CLYBL: variants seen among roughly 807,000 people sequenced by gnomAD.
CLYBL encodes the protein citramalyl-CoA lyase.
A neutral mutation model predicts 38.9 loss-of-function variants in CLYBL; 31 were observed. The ratio of observed to expected loss-of-function variants is 0.80; its 90% CI spans 0.60 to 1.08. CLYBL has a LOEUF of 1.08. Ranked by LOEUF, CLYBL falls within the 50% of genes least tolerant of loss-of-function variation. The pLI is 0.00. For missense variants in CLYBL, 434 were observed against 411.6 expected, an observed-to-expected ratio of 1.05 and a Z score of -0.47; for synonymous variants, 171 against 158.6, an observed-to-expected ratio of 1.08 and a Z score of -0.59.
intron 1 of CLYBL, among the ~76,000 whole-genome samples, chr13:99,668,164 C>T (rs148890384): frequency 0.016 from 2,421 of 151,932 alleles, 67 homozygotes; most frequent in African/African-American, 0.056. Flanking sequence ...GTCCCAGCTA[C>T]GTGGGAGGCT....
At chr13:99,686,248 A>G (rs2047816323) in intron 1 of CLYBL, among the ~76,000 whole-genome samples, 1 of 152,164 alleles carries the variant, frequency 6.6e-6, no homozygotes, top group Non-Finnish European at 1.5e-5. Flanking sequence ...TCCAGGGCAT[A>G]TATAGCTGCT....
chr13:99,835,718 T>C (rs950580349), intron 2 of CLYBL, among the ~76,000 whole-genome samples: 3 of 152,218 alleles, frequency 2.0e-5, no homozygotes, highest in African/African-American at 7.2e-5. Flanking sequence ...CCTAGAACAG[T>C]GCCTAACACA....
rs887723630 is a variant in CLYBL, at chr13:99,647,551, TAAAC to T, written c.62+40800_62+40803del. Among the ~76,000 whole-genome samples, 76 of 152,254 alleles carry T rather than the reference TAAAC, an allele frequency of 5.0e-4. 1 individual carries two copies. The highest frequency in any genetic ancestry group is 1.9e-3 in the Admixed American group (29 of 15,296). ...GTATGCTGATTCTCTTGGGACTAATTAAACAAACAGATTCAGAGAAAGAAAGCAG... is the reference window on the plus strand; with the variant it reads ...GTATGCTGATTCTCTTGGGACTAATTAAACAGATTCAGAGAAAGAAAGCAG... On this transcript the variant is annotated intron_variant, in intron 1 of 8. Coordinates refer to ENST00000339105, the MANE Select transcript of CLYBL (RefSeq NM_206808.5).
intron 7 of CLYBL, among the ~76,000 whole-genome samples, 185 bp from the exon 8 acceptor site, chr13:99,891,132 TC>T (rs955794354): frequency 6.6e-6 from 1 of 152,148 alleles, no homozygotes; most frequent in African/African-American, 2.4e-5. Context: ...TTTATTTTTT[TC>T]CCCTCTTTAG....
intron 6 of CLYBL, among the ~76,000 whole-genome samples, chr13:99,869,000 A>G (rs373291991): frequency 3.9e-5 from 6 of 152,278 alleles, no homozygotes; most frequent in African/African-American, 1.4e-4. Context: ...ATGTCTTCCA[A>G]TTTTGCACCC....
chr13:99,669,795 G>A (rs1401106745), intron 1 of CLYBL, among the ~76,000 whole-genome samples: 1 of 152,100 alleles, frequency 6.6e-6, no homozygotes, highest in Non-Finnish European at 1.5e-5. Context: ...GACAAGTTTG[G>A]GCTTACTCAA....
At chr13:99,857,379 C>T (rs1020789343) in intron 2 of CLYBL, among the ~76,000 whole-genome samples, 3 of 152,234 alleles carry the variant, frequency 2.0e-5, no homozygotes, top group East Asian at 1.9e-4. Context: ...AGCAAGTGGG[C>T]GAGTTTTATA....
intron 7 of CLYBL, among the ~76,000 whole-genome samples, chr13:99,884,210 A>G (rs1015251242): frequency 1.9e-4 from 29 of 152,248 alleles, no homozygotes; most frequent in African/African-American, 5.5e-4. Flanking sequence ...GTGTTGGCCA[A>G]CTGACCAGTG....
intron 1 of CLYBL, among the ~76,000 whole-genome samples, chr13:99,686,890 A>G (rs1246589449): frequency 6.6e-6 from 1 of 152,230 alleles, no homozygotes; most frequent in African/African-American, 2.4e-5. Flanking sequence ...GGAGGATATC[A>G]AGGCACAAAT....
intron 2 of CLYBL, among the ~76,000 whole-genome samples, chr13:99,805,159 A>C (rs1161236489): frequency 2.6e-5 from 4 of 152,158 alleles, no homozygotes; most frequent in Non-Finnish European, 5.9e-5. Context: ...TTATCCGCTT[A>C]TCTGTCAATA....
At chr13:99,712,446 C>G (rs207474306) in intron 1 of CLYBL, among the ~76,000 whole-genome samples, 1 of 151,376 alleles carries the variant, frequency 6.6e-6, no homozygotes, top group Non-Finnish European at 1.5e-5. Flanking sequence ...GCGATCCTCC[C>G]GCCTCAGCCT....
At chr13:99,629,030 T>G (rs1282632950) in intron 1 of CLYBL, among the ~76,000 whole-genome samples, 1 of 152,252 alleles carries the variant, frequency 6.6e-6, no homozygotes, top group East Asian at 1.9e-4. Flanking sequence ...TTCCTGCTGC[T>G]TCGTTCGCGG....
intron 7 of CLYBL, among the ~76,000 whole-genome samples, chr13:99,874,472 ATAT>A (rs1476745743): frequency 6.6e-6 from 1 of 152,104 alleles, no homozygotes; most frequent in Non-Finnish European, 1.5e-5. Context: ...GATTCCATTA[ATAT>A]TTGAAAATTC....
chr13:99,788,532 G>C (rs1176536394), intron 2 of CLYBL, among the ~76,000 whole-genome samples: 1 of 152,142 alleles, frequency 6.6e-6, no homozygotes, highest in Non-Finnish European at 1.5e-5. Context: ...AACCAGCCTT[G>C]CATCCCAGGG....
At position 99,632,516 on chromosome 13, in the gene CLYBL, C is replaced by T. The variant is rs116454053; in HGVS notation, c.62+25759C>T. On this transcript the variant is annotated intron_variant, in intron 1 of 8. Coordinates refer to ENST00000339105, the MANE Select transcript of CLYBL (RefSeq NM_206808.5). ...CAGCACTTTGGGAGACCAAGGCAGA[C>T]GGATTGCCTGAGGTCAGAAGTTTGA... Among the ~76,000 whole-genome samples the T allele has an allele frequency of 4.6e-3, 697 of 152,254 alleles. 5 individuals are homozygous for T. Among genetic ancestry groups the T allele is most frequent in the African/African-American group, 0.016 (661 of 41,572 alleles).
At chr13:99,720,620 A>T (rs1463334862) in intron 1 of CLYBL, among the ~76,000 whole-genome samples, 1 of 152,134 alleles carries the variant, frequency 6.6e-6, no homozygotes, top group Admixed American at 6.5e-5. Flanking sequence ...TTCCTCTTGG[A>T]TGATTGCTTA....
At chr13:99,704,612 A>C (rs2048118252) in intron 1 of CLYBL, among the ~76,000 whole-genome samples, 1 of 152,206 alleles carries the variant, frequency 6.6e-6, no homozygotes, top group Non-Finnish European at 1.5e-5. Flanking sequence ...TGTGTTGAGT[A>C]CTTTCTATGA....
At chr13:99,789,954 G>C (rs1047833955) in intron 2 of CLYBL, among the ~76,000 whole-genome samples, 2 of 152,030 alleles carry the variant, frequency 1.3e-5, no homozygotes, top group Non-Finnish European at 2.9e-5. Context: ...TTATGTAATG[G>C]CCTTCTTTGT....
At chr13:99,612,136 G>A (rs1594082127) in intron 1 of CLYBL, among the ~76,000 whole-genome samples, 1 of 152,100 alleles carries the variant, frequency 6.6e-6, no homozygotes, top group East Asian at 1.9e-4. Context: ...CCATAGTGAT[G>A]TGTCCTTCTT....
Sources: allele counts gnomAD v4.1 joint callset (sites outside exome capture counted in the v4.1 genomes callset), GRCh38; gene constraint gnomAD v4.1.1; transcripts MANE v1.5; gene names NCBI Gene and HGNC (gene_info 2026-07-23, HGNC 2026-07-21).